BANP: variants seen among roughly 807,000 people sequenced by gnomAD.
BANP encodes the protein BTG3 associated nuclear protein, also known as protein BANP.
BANP carries 11 observed loss-of-function variants against 68.1 expected under a neutral mutation model. The observed-to-expected ratio is 0.16, with a 90% confidence interval of 0.10 to 0.27. BANP has a LOEUF of 0.27. BANP is among the 10% of genes least tolerant of loss of function. The pLI, the probability that BANP is intolerant of heterozygous loss-of-function variation, is 1.00. For missense variants in BANP, 504 were observed against 722.7 expected (o/e 0.70, Z 3.47); for synonymous variants, 329 against 303.2 (o/e 1.09, Z -0.88).
At chr16:88,013,494 T>A (rs535484193) in intron 6 of BANP, among the ~76,000 whole-genome samples, 1 of 152,026 alleles carries the variant, frequency 6.6e-6, no homozygotes, top group African/African-American at 2.4e-5. Context: ...GCCTAGTTCC[T>A]AGACCGCTGC....
chr16:87,973,332 G>C (rs1023610584), intron 1 of BANP, among the ~76,000 whole-genome samples: 1 of 151,866 alleles, frequency 6.6e-6, no homozygotes, highest in African/African-American at 2.4e-5. Context: ...TATAATGTGG[G>C]AATAAAAACA....
chr16:88,059,977 G>A (rs114972488), intron 11 of BANP, among the ~76,000 whole-genome samples: 2 of 152,234 alleles, frequency 1.3e-5, no homozygotes, highest in Admixed American at 6.5e-5. Context: ...TGGCACAGGT[G>A]GGGTTCTCCG....
intron 8 of BANP, among the ~76,000 whole-genome samples, chr16:88,029,437 G>A (rs573711913): frequency 2.0e-5 from 3 of 151,152 alleles, no homozygotes; most frequent in South Asian, 2.1e-4. Context: ...GTGAAACCCC[G>A]TCTCTACTAA....
intron 7 of BANP, among the ~76,000 whole-genome samples, chr16:88,020,176 C>T (rs1007432751): frequency 6.6e-6 from 1 of 152,194 alleles, no homozygotes; most frequent in Non-Finnish European, 1.5e-5. Context: ...TTCTGAAGGG[C>T]CACACGGCAG....
intron 4 of BANP, among the ~76,000 whole-genome samples, chr16:87,986,287 G>A (rs1293086386): frequency 1.3e-5 from 2 of 152,242 alleles, no homozygotes; most frequent in Admixed American, 6.5e-5. Context: ...GTCACGTTGT[G>A]CCAGTGCTGG....
At chr16:87,976,839 A>G (rs1273583589) in intron 2 of BANP, among the ~76,000 whole-genome samples, 3 of 152,166 alleles carry the variant, frequency 2.0e-5, no homozygotes, top group Non-Finnish European at 4.4e-5. Context: ...CCACACCATC[A>G]TTGCATATTA....
chr16:88,009,618 A>G (rs1203931621), intron 6 of BANP, among the ~76,000 whole-genome samples: 1 of 152,246 alleles, frequency 6.6e-6, no homozygotes, highest in Non-Finnish European at 1.5e-5. Context: ...AGCAGGGAAC[A>G]GTAGACTGTG....
rs543247335 is a variant in BANP, at chr16:88,031,845, C to T, written c.1064-1264C>T. On this transcript the variant is annotated intron_variant, in intron 8 of 13. Transcript: ENST00000682872. ...GTCCCTTCCCCCGCTCGCTCTGTTG[C>T]CTGGAGCTGAGTGCCATGGTGCCAT... Among the ~76,000 whole-genome samples, 3 of 142,680 alleles carry T rather than the reference C, an allele frequency of 2.1e-5. No homozygotes were observed. In the South Asian group the frequency reaches 7.7e-4, roughly 37 times the overall value. 93.6% of individuals were successfully genotyped at this position (142,680 alleles called of 152,430 possible).
rs989501535 is a variant in BANP, at chr16:87,984,385, C to G, written c.362+126C>G. ...TGCGCGGTGTCTGCCTCAGCAGTCT[C>G]AGCAGTTTCTAACTAAAGCTGACTT... On this transcript the variant is annotated intron_variant, in intron 4 of 13. Transcript: ENST00000682872. 31 of 1,117,440 alleles carry G rather than the reference C, an allele frequency of 2.8e-5. No individual in the cohort carries two copies. The African/African-American group carries it at 4.3e-4, about 15-fold the overall frequency. The allele number at this position is 1,117,440 out of a possible 1,614,324, so 69.2% of individuals were successfully genotyped here. A position where few individuals can be genotyped will look rare whatever the true frequency, so the allele number is the denominator to read the frequency against.
chr16:88,006,236 A>G lies in BANP; in HGVS notation c.626A>G (p.Asn209Ser). Residue 209 changes from asparagine (N) to serine (S), a missense_variant, in exon 6 of 14, where the codon AAC becomes AGC. By Grantham distance (46) the Asn-to-Ser change is conservative (BLOSUM62 1). Transcript: ENST00000682872. The stretch of plus-strand genomic sequence containing the variant: ...GCGGGCAGTCAGAGCATCGGGAGCA[A>G]CGTCACGCTCATCACCCTGAACTCG... ...GQAGSQSIGS[N>S]VTLITLNSEE... 6.2e-7 allele frequency: 1 copy of G among 1,610,584 alleles called. No individual in the cohort carries two copies. Among genetic ancestry groups the G allele is most frequent in the South Asian group, 1.1e-5 (1 of 91,014 alleles).
chr16:88,067,981 C>T (rs547938248), intron 12 of BANP, among the ~76,000 whole-genome samples: 2 of 152,382 alleles, frequency 1.3e-5, no homozygotes, highest in South Asian at 4.1e-4. Flanking sequence ...CCTCCCCCCA[C>T]TGTCTGCCTC....
chr16:88,028,983 G>A (rs2077546776), intron 8 of BANP, among the ~76,000 whole-genome samples: 1 of 152,158 alleles, frequency 6.6e-6, no homozygotes, highest in African/African-American at 2.4e-5. Flanking sequence ...AATAAGCACT[G>A]CATTAGTTTT....
chr16:88,048,954 T>C (rs914625597), intron 11 of BANP, among the ~76,000 whole-genome samples: 4 of 152,170 alleles, frequency 2.6e-5, no homozygotes, highest in Non-Finnish European at 4.4e-5. Flanking sequence ...CACGGTGCAC[T>C]GGACTCTGGT....
intron 11 of BANP, among the ~76,000 whole-genome samples, chr16:88,046,136 G>A (rs2081975763): frequency 6.6e-6 from 1 of 152,240 alleles, no homozygotes; most frequent in African/African-American, 2.4e-5. Flanking sequence ...GCACATACGA[G>A]GAGTAACTCA....
At chr16:88,016,741 G>A (rs2074660053) in intron 6 of BANP, among the ~76,000 whole-genome samples, 1 of 152,200 alleles carries the variant, frequency 6.6e-6, no homozygotes, top group Non-Finnish European at 1.5e-5. Flanking sequence ...CTCATATACA[G>A]GTGGAATGTA....
At chr16:88,022,244 G>A (rs1308639449) in intron 7 of BANP, among the ~76,000 whole-genome samples, 1 of 152,140 alleles carries the variant, frequency 6.6e-6, no homozygotes, top group East Asian at 1.9e-4. Flanking sequence ...GCTCGCTCAC[G>A]CCTCTGCTTG....
At chr16:88,019,474 T>C (rs2075382109) in intron 7 of BANP, among the ~76,000 whole-genome samples, 1 of 149,580 alleles carries the variant, frequency 6.7e-6, no homozygotes, top group South Asian at 2.1e-4. Context: ...GAGCGTGAAA[T>C]GTAAATCTGA....
At chr16:87,982,280 C>G (rs934933464) in intron 3 of BANP, among the ~76,000 whole-genome samples, 1 of 152,154 alleles carries the variant, frequency 6.6e-6, no homozygotes, top group Non-Finnish European at 1.5e-5. Context: ...GGTGGGCCCC[C>G]GGTTGAATGT....
intron 11 of BANP, among the ~76,000 whole-genome samples, chr16:88,042,866 G>A (rs1309026155): frequency 2.6e-5 from 4 of 152,294 alleles, no homozygotes; most frequent in South Asian, 4.1e-4. Context: ...GCAGTGAGCC[G>A]TGATTGTGCC....
Sources: allele counts gnomAD v4.1 joint callset (sites outside exome capture counted in the v4.1 genomes callset), GRCh38; gene constraint gnomAD v4.1.1; transcripts MANE v1.5; gene names NCBI Gene and HGNC (gene_info 2026-07-23, HGNC 2026-07-21).